The following CYP2C18 variants were observed in gnomAD, a reference collection of about 807,000 sequenced individuals.
The protein encoded by CYP2C18 is cytochrome P450 2C18.
In CYP2C18, 38 loss-of-function variants were observed where a neutral mutation model predicts 41.3. That is an observed-to-expected ratio of 0.92 (90% CI 0.71 to 1.21). CYP2C18 has a LOEUF of 1.21. Among genes scored for constraint, CYP2C18 ranks in the 50% most tolerant of loss-of-function variants. The pLI is 0.00. For synonymous variants in CYP2C18, 236 were observed against 210.0 expected (o/e 1.12, Z -1.07); for missense variants, 635 against 591.4 (o/e 1.07, Z -0.77).
At chr10:94,695,139 T>A in intron 4 of CYP2C18, 62 bp downstream of exon 4, 4 of 1,395,574 alleles carry the variant, frequency 2.9e-6, no homozygotes, top group Non-Finnish European at 2.9e-6. Context: ...ACAGTCCAAT[T>A]TTTTTAATTT....
chr10:94,693,618 CTAAT>C (rs549469191), intron 3 of CYP2C18, among the ~76,000 whole-genome samples: 101 of 152,262 alleles, frequency 6.6e-4, no homozygotes, highest in African/African-American at 2.4e-3. Context: ...AAATCTCTAA[CTAAT>C]AATCCAAAAT....
intron 5 of CYP2C18, 107 bp from the exon 6 acceptor site, chr10:94,720,289 G>A: frequency 1.0e-6 from 1 of 983,414 alleles, no homozygotes; most frequent in Non-Finnish European, 1.5e-6. Context: ...ACTCTGTACA[G>A]TTTCCAAACT....
At chr10:94,719,478 A>T (rs1847612002) in intron 5 of CYP2C18, among the ~76,000 whole-genome samples, 1 of 151,534 alleles carries the variant, frequency 6.6e-6, no homozygotes, top group South Asian at 2.1e-4. Context: ...AACATGCTTC[A>T]CTGCAGCCTT....
At chr10:94,729,271 C>T (rs1272090259) in intron 7 of CYP2C18, among the ~76,000 whole-genome samples, 3 of 152,084 alleles carry the variant, frequency 2.0e-5, no homozygotes, top group Non-Finnish European at 2.9e-5. Context: ...TAGGTAGACA[C>T]CAGTGTGCAA....
chr10:94,720,187 A>AT (rs1387045289), intron 5 of CYP2C18, among the ~76,000 whole-genome samples: 1 of 152,136 alleles, frequency 6.6e-6, no homozygotes, highest in Non-Finnish European at 1.5e-5. Flanking sequence ...CAGAAATAGA[A>AT]TTTTTAGGCA....
intron 7 of CYP2C18, among the ~76,000 whole-genome samples, chr10:94,728,132 T>A (rs1474736452): frequency 6.6e-6 from 1 of 152,090 alleles, no homozygotes; most frequent in Non-Finnish European, 1.5e-5. Context: ...CACGAACAGT[T>A]TTTTTTAGTT....
chr10:94,688,929 A>G (rs1409241429), intron 3 of CYP2C18, among the ~76,000 whole-genome samples: 4 of 152,144 alleles, frequency 2.6e-5, no homozygotes, highest in Admixed American at 6.5e-5. Flanking sequence ...ACTGACATGT[A>G]CTTTCATTTG....
At chr10:94,691,898 A>C (rs1374071483) in intron 3 of CYP2C18, among the ~76,000 whole-genome samples, 3 of 152,230 alleles carry the variant, frequency 2.0e-5, no homozygotes, top group African/African-American at 7.2e-5. Context: ...ATCTTTGTCA[A>C]ACCTGACAAA....
chr10:94,695,778 C>T lies in CYP2C18; in HGVS notation c.642+701C>T, dbSNP rs188582104. Among the ~76,000 whole-genome samples the T allele has an allele frequency of 2.6e-5, 4 of 152,182 alleles. No homozygotes were observed. In the East Asian group the frequency reaches 7.8e-4, roughly 30 times the overall value. ...TGGCACCTGGAAAATCGGGTCACTC[C>T]CACCCTAATATGGTGCTTTTCCAAT... On this transcript the variant is annotated intron_variant, in intron 4 of 8. Transcript: ENST00000285979.
At chr10:94,724,661 C>T in intron 7 of CYP2C18, 128 bp downstream of exon 7, 2 of 892,342 alleles carry the variant, frequency 2.2e-6, no homozygotes, top group Middle Eastern at 2.2e-4. Context: ...GCTTTCTGGA[C>T]TCTGCTGTTT....
chr10:94,691,674 T>C (rs1226609084), intron 3 of CYP2C18, among the ~76,000 whole-genome samples: 1 of 152,156 alleles, frequency 6.6e-6, no homozygotes, highest in African/African-American at 2.4e-5. Flanking sequence ...AAAAAACTAC[T>C]TTAAAGTTCA....
intron 4 of CYP2C18, among the ~76,000 whole-genome samples, chr10:94,705,322 G>A (rs569338943): frequency 9.2e-5 from 14 of 152,282 alleles, no homozygotes; most frequent in African/African-American, 3.4e-4. Flanking sequence ...GAGAACACAT[G>A]GACCCAGGGA....
At chr10:94,722,416 T>G (rs901192762) in intron 6 of CYP2C18, among the ~76,000 whole-genome samples, 1 of 152,136 alleles carries the variant, frequency 6.6e-6, no homozygotes, top group Non-Finnish European at 1.5e-5. Context: ...GAAGTGATGA[T>G]AAACATATTA....
chr10:94,719,412 T>C (rs1439376694), intron 5 of CYP2C18, among the ~76,000 whole-genome samples: 7 of 142,122 alleles, frequency 4.9e-5, no homozygotes, highest in Non-Finnish European at 1.1e-4. Context: ...TCTTGATTAT[T>C]TTTTTTTTTG....
chr10:94,701,137 A>T (rs1457920037), intron 4 of CYP2C18, among the ~76,000 whole-genome samples: 1 of 152,234 alleles, frequency 6.6e-6, no homozygotes, highest in Non-Finnish European at 1.5e-5. Flanking sequence ...CCAAAGGATT[A>T]TAAAACATGC....
chr10:94,687,925 AG>A lies in CYP2C18; in HGVS notation c.326del (p.Gly109AspfsTer21), dbSNP rs1564636767. ...TTCCAGTGGCTGAAAAAGTTAACAA[AG>A]GACTTGGTAAATGTGCATGTATCGT... is the stretch of plus-strand genomic sequence containing the variant. Reference protein sequence around the residue: ...SFPVAEKVNKGLGILFSNGKR... With the variant: ...SFPVAEKVNKXLGILFSNGKR... On this transcript the variant is annotated frameshift_variant, in exon 2 of 9. Coordinates refer to ENST00000285979, the MANE Select transcript of CYP2C18 (RefSeq NM_000772.3). LOFTEE classifies it high-confidence loss of function. 1.2e-6 allele frequency: 2 copies of A among 1,613,558 alleles called. No individual in the cohort carries two copies. The highest frequency in any genetic ancestry group is 1.1e-5 in the South Asian group (1 of 91,036).
chr10:94,694,874 A>G (rs372128776), intron 3 of CYP2C18, 43 bp from the exon 4 acceptor site: 7 of 1,578,994 alleles, frequency 4.4e-6, no homozygotes, highest in Non-Finnish European at 6.0e-6. Flanking sequence ...AGTATTTTAT[A>G]TGTATATTTT....
intron 7 of CYP2C18, among the ~76,000 whole-genome samples, chr10:94,731,092 C>G (rs1485355535): frequency 1.3e-5 from 2 of 152,048 alleles, no homozygotes; most frequent in Non-Finnish European, 2.9e-5. Flanking sequence ...TTAAAATGGC[C>G]ATACTGGGCC....
At chr10:94,698,007 C>A (rs1232146375) in intron 4 of CYP2C18, among the ~76,000 whole-genome samples, 1 of 152,134 alleles carries the variant, frequency 6.6e-6, no homozygotes, top group Non-Finnish European at 1.5e-5. Context: ...TACGAAGAGA[C>A]TTAGACTCCC....
Sources: allele counts gnomAD v4.1 joint callset (sites outside exome capture counted in the v4.1 genomes callset), GRCh38; gene constraint gnomAD v4.1.1; transcripts MANE v1.5; gene names NCBI Gene and HGNC (gene_info 2026-07-23, HGNC 2026-07-21).